RBPJ: variants seen among roughly 807,000 people sequenced by gnomAD.
RBPJ encodes the protein recombination signal binding protein for immunoglobulin kappa J region.
In RBPJ, 9 loss-of-function variants were observed where a neutral mutation model predicts 67.8. The ratio of observed to expected loss-of-function variants is 0.13; its 90% CI spans 0.08 to 0.23. The LOEUF (loss-of-function observed/expected upper bound fraction) is 0.23, where lower values mean the gene tolerates loss of function less well. Among genes scored for constraint, RBPJ ranks in the 10% least tolerant of loss-of-function variants. The pLI is 1.00. For missense variants in RBPJ, 305 were observed against 595.6 expected (o/e 0.51, Z 5.08); for synonymous variants, 198 against 203.3 (o/e 0.97, Z 0.22).
At chr4:26,154,376 G>A in the RBPJ span, among the ~76,000 whole-genome samples, 1 of 152,206 alleles carries the variant, frequency 6.6e-6, no homozygotes, top group Admixed American at 6.5e-5. Flanking sequence ...TGTCTGTGCA[G>A]GGTCTGGCAT....
intron 7 of RBPJ, among the ~76,000 whole-genome samples, chr4:26,426,935 A>G (rs1182843564): frequency 2.0e-5 from 3 of 152,184 alleles, no homozygotes; most frequent in Non-Finnish European, 2.9e-5. Context: ...TAAGGACTTC[A>G]TATTATCTCT....
chr4:26,300,932 T>G (rs1025048076), intron 1 of RBPJ, among the ~76,000 whole-genome samples: 2 of 152,226 alleles, frequency 1.3e-5, no homozygotes, highest in African/African-American at 4.8e-5. Context: ...ATGAACTACC[T>G]GATGGCAAAT....
upstream of RBPJ, among the ~76,000 whole-genome samples, chr4:26,315,932 G>A (rs552327359): frequency 9.2e-5 from 14 of 151,822 alleles, no homozygotes; most frequent in East Asian, 5.8e-4. Flanking sequence ...GCCCCACCCC[G>A]CAGGCAGTCA....
chr4:26,110,730 A>C, the RBPJ span, among the ~76,000 whole-genome samples: 1 of 152,180 alleles, frequency 6.6e-6, no homozygotes, highest in Non-Finnish European at 1.5e-5. The surrounding 1 kb of genome is among the most constrained non-coding windows in gnomAD (Gnocchi z 4.5). Flanking sequence ...GCAAACAGGC[A>C]GGTGGGCATG....
chr4:26,158,877 C>T (rs1485866356), upstream of RBPJ, among the ~76,000 whole-genome samples: 1 of 151,946 alleles, frequency 6.6e-6, no homozygotes, highest in Admixed American at 6.6e-5. Context: ...TCCTGAATAT[C>T]CTGCAGCCCA....
At chr4:26,149,614 GCT>G in the RBPJ span, among the ~76,000 whole-genome samples, 18 of 150,462 alleles carry the variant, frequency 1.2e-4, no homozygotes, top group South Asian at 4.2e-4. Context: ...AGTGAGCTCA[GCT>G]CTCTCTCTCT....
intron 8 of RBPJ, 79 bp from the exon 9 acceptor site, chr4:26,429,819 A>G: frequency 8.5e-7 from 1 of 1,182,488 alleles, no homozygotes; most frequent in Non-Finnish European, 1.2e-6. Flanking sequence ...CTCTTGTCTG[A>G]GGGTTACTTG....
chr4:26,132,843 G>A, the RBPJ span, among the ~76,000 whole-genome samples: 10,384 of 152,142 alleles, frequency 0.068, 1,208 homozygotes, highest in African/African-American at 0.24. Context: ...TGATGCAAGA[G>A]GGGGCAGGGT....
At chr4:26,294,947 G>T (rs1721813204) in intron 1 of RBPJ, among the ~76,000 whole-genome samples, 1 of 152,148 alleles carries the variant, frequency 6.6e-6, no homozygotes, top group African/African-American at 2.4e-5. Context: ...CACCGGGTTG[G>T]ATAGGGCTGA....
chr4:26,399,512 ATT>A lies in RBPJ; in HGVS notation c.60-6659_60-6658del, dbSNP rs932749867. Among the ~76,000 whole-genome samples the A allele has an allele frequency of 1.6e-4, 19 of 119,614 alleles. 1 individual carries two copies. Among genetic ancestry groups the A allele is most frequent in the African/African-American group, 4.5e-4 (17 of 37,786 alleles). 78.5% of individuals were successfully genotyped at this position (119,614 alleles called of 152,430 possible). A position where few individuals can be genotyped will look rare whatever the true frequency, so the allele number is the denominator to read the frequency against. On this transcript the variant is annotated intron_variant, in intron 2 of 10. Coordinates refer to ENST00000355476, the MANE Select transcript of RBPJ (RefSeq NM_015874.6). ...TTCACTGTAGTATTCTCTTTGTGGT[ATT>A]TTTCTTTCCTTTTTTTTTTTCTGTA... is the stretch of plus-strand genomic sequence containing the variant.
chr4:26,266,736 C>T (rs1277903262), intron 1 of RBPJ, among the ~76,000 whole-genome samples: 1 of 152,028 alleles, frequency 6.6e-6, no homozygotes, highest in Non-Finnish European at 1.5e-5. Flanking sequence ...GGTAGCATGT[C>T]CTGAGCCCCA....
chr4:26,398,908 AGCCC>A (rs1374918659), intron 2 of RBPJ, among the ~76,000 whole-genome samples: 1 of 152,180 alleles, frequency 6.6e-6, no homozygotes, highest in Non-Finnish European at 1.5e-5. Flanking sequence ...CACCTCGTCC[AGCCC>A]GTCTTTCAGA....
intron 7 of RBPJ, among the ~76,000 whole-genome samples, chr4:26,427,015 G>A (rs1433825742): frequency 2.0e-5 from 3 of 152,194 alleles, no homozygotes; most frequent in Admixed American, 1.3e-4. Flanking sequence ...AAGTATATGT[G>A]TGGCTGCTGT....
At chr4:26,420,910 T>TA (rs1388559344) in intron 5 of RBPJ, 185 bp downstream of exon 5, 1 of 535,922 alleles carries the variant, frequency 1.9e-6, no homozygotes. Context: ...AAGCAGTTCT[T>TA]AACCAGAGTT....
intron 1 of RBPJ, among the ~76,000 whole-genome samples, chr4:26,357,295 G>A (rs1405644823): frequency 1.3e-5 from 2 of 152,112 alleles, no homozygotes; most frequent in Admixed American, 1.3e-4. Context: ...CTTAATGAAG[G>A]CCGAGGCATT....
chr4:26,420,572 T>G lies in RBPJ; in HGVS notation c.343T>G (p.Leu115Val). The stretch of plus-strand genomic sequence containing the variant: ...ACAGAACTATTGCACAGCCAAAACA[T>G]TGTATATATCTGACTCAGACAAGCG... ...EGKNYCTAKT[L>V]YISDSDKRKH... The change falls in exon 5 of 11, where the codon TTG (leucine) becomes GTG (valine). Residue 115 changes from leucine (L) to valine (V), a missense_variant. Leu to Val is a conservative substitution (Grantham distance 32, BLOSUM62 1). Transcript: ENST00000355476. The G allele has an allele frequency of 1.2e-6, 2 of 1,606,088 alleles. No individual in the cohort carries two copies. Among genetic ancestry groups the G allele is most frequent in the Non-Finnish European group, 1.7e-6 (2 of 1,177,140 alleles).
upstream of RBPJ, chr4:26,320,893 G>C: frequency 3.8e-6 from 6 of 1,588,032 alleles, no homozygotes; most frequent in Non-Finnish European, 5.1e-6. Context: ...TCGCGGCGGC[G>C]GCGAGGGGAA....
At chr4:26,320,850 C>G (rs1046590953), upstream of RBPJ, 1 of 1,568,924 alleles carries the variant, frequency 6.4e-7, no homozygotes, top group African/African-American at 1.3e-5. Context: ...GCAGGATCCC[C>G]TACTCTGCGG....
chr4:26,187,286 A>C (rs530999722), intron 1 of RBPJ, among the ~76,000 whole-genome samples: 1 of 152,212 alleles, frequency 6.6e-6, no homozygotes, highest in South Asian at 2.1e-4. Flanking sequence ...GAAATCTTAC[A>C]TTATTCTTGT....
Sources: allele counts gnomAD v4.1 joint callset (sites outside exome capture counted in the v4.1 genomes callset), GRCh38; gene constraint gnomAD v4.1.1; non-coding constraint Gnocchi (gnomAD v3.1); transcripts MANE v1.5; gene names NCBI Gene and HGNC (gene_info 2026-07-23, HGNC 2026-07-21).